The following TBCD variants were observed in gnomAD, a reference collection of about 807,000 sequenced individuals.
TBCD encodes tubulin-specific chaperone D.
A neutral mutation model predicts 169.3 loss-of-function variants in TBCD; 105 were observed. That is an observed-to-expected ratio of 0.62 (90% CI 0.53 to 0.73). The LOEUF (loss-of-function observed/expected upper bound fraction) is 0.73. TBCD is among the 30% of genes least tolerant of loss of function. TBCD has a pLI of 0.00. For synonymous variants in TBCD, 700 were observed against 643.9 expected (o/e 1.09, Z -1.32); for missense variants, 1,444 against 1,600.1 (o/e 0.90, Z 1.66).
In TBCD at chr17:82,796,777, G is replaced by A. The variant is rs539523982; in HGVS notation, c.772-980G>A. 2.6e-5 allele frequency among the ~76,000 whole-genome samples: 4 copies of A among 152,326 alleles called. No individual in the cohort carries two copies. In the South Asian group the frequency reaches 8.3e-4, roughly 32 times the overall value. The stretch of plus-strand genomic sequence containing the variant: ...TCTAAGTTCCCTCTCCTTTTAAGAA[G>A]ATGTTTCTATTCTACACTTAAGTAA... On this transcript the variant is annotated intron_variant, in intron 7 of 38. Transcript: ENST00000355528.
intron 13 of TBCD, among the ~76,000 whole-genome samples, chr17:82,836,650 C>T (rs2054000518): frequency 2.7e-5 from 4 of 150,300 alleles, no homozygotes; most frequent in Middle Eastern, 3.4e-3. Flanking sequence ...CTTCAGTTTT[C>T]GAAGCAGCAT....
intron 13 of TBCD, chr17:82,830,353 C>A (rs891645766): frequency 6.2e-7 from 1 of 1,613,612 alleles, no homozygotes; most frequent in Middle Eastern, 1.6e-4. Context: ...CGCAGCATCC[C>A]CATCGCCCAC....
chr17:82,860,431 A>G, intron 13 of TBCD: 2 of 985,456 alleles, frequency 2.0e-6, no homozygotes, highest in South Asian at 4.7e-5. Context: ...GGGGACAGAC[A>G]CAGGTGGAAG....
chr17:82,909,171 C>A (rs1053533618), intron 21 of TBCD, 114 bp from the exon 22 acceptor site: 1 of 875,862 alleles, frequency 1.1e-6, no homozygotes, highest in East Asian at 2.8e-5. Context: ...GCTCTCCTGG[C>A]TGGCATGGCA....
At chr17:82,773,962 C>T (rs964482027) in intron 6 of TBCD, among the ~76,000 whole-genome samples, 15 of 151,652 alleles carry the variant, frequency 9.9e-5, no homozygotes, top group Non-Finnish European at 1.5e-5. Flanking sequence ...ATCTCCTGAC[C>T]TCATGATCCG....
At chr17:82,805,103 G>A (rs923865544) in intron 9 of TBCD, among the ~76,000 whole-genome samples, 16 of 152,274 alleles carry the variant, frequency 1.1e-4, no homozygotes, top group African/African-American at 3.9e-4. Context: ...ACCCTTGGCA[G>A]GAGCAGCTGT....
chr17:82,846,374 T>C (rs542448661), intron 13 of TBCD, among the ~76,000 whole-genome samples: 2 of 150,214 alleles, frequency 1.3e-5, no homozygotes, highest in African/African-American at 4.9e-5. Context: ...CTGTGTCCCA[T>C]GTGCCGTGTC....
intron 23 of TBCD, chr17:82,913,055 G>A (rs1007905464): frequency 6.6e-6 from 1 of 152,352 alleles, no homozygotes; most frequent in Non-Finnish European, 1.5e-5. Flanking sequence ...CACGGTGCAG[G>A]GGTGTCACCT....
chr17:82,807,686 C>T lies in TBCD; in HGVS notation c.1148+18C>T. On this transcript the variant is annotated intron_variant, in intron 11 of 38. Coordinates refer to ENST00000355528, the MANE Select transcript of TBCD (RefSeq NM_005993.5). ...GCCAAGGGGTAGGTGTCTGTGGCCG[C>T]AGAAGCACCCCGGGGGGTGGGCCGG... 6.9e-7 allele frequency: 1 copy of T among 1,458,850 alleles called. No homozygotes were observed. The highest frequency in any genetic ancestry group is 9.1e-7 in the Non-Finnish European group (1 of 1,097,648). The allele number at this position is 1,458,850 out of a possible 1,614,324, so 90.4% of individuals were successfully genotyped here. A position where few individuals can be genotyped will look rare whatever the true frequency, so the allele number is the denominator to read the frequency against.
intron 12 of TBCD, among the ~76,000 whole-genome samples, chr17:82,812,393 G>A (rs1383348551): frequency 6.6e-6 from 1 of 152,118 alleles, no homozygotes; most frequent in East Asian, 1.9e-4. Flanking sequence ...GTTTCATCGA[G>A]GTTTTGGACT....
chr17:82,888,730 G>T (rs1402154570), intron 15 of TBCD, among the ~76,000 whole-genome samples: 3 of 152,178 alleles, frequency 2.0e-5, no homozygotes, highest in African/African-American at 4.8e-5. Context: ...GCTGTGTTCG[G>T]CTCCTTACTT....
chr17:82,921,625 G>T, intron 25 of TBCD, 48 bp downstream of exon 25: 1 of 1,570,426 alleles, frequency 6.4e-7, no homozygotes, highest in Non-Finnish European at 8.8e-7. Context: ...CGGTGTTAGT[G>T]TGTTAGTCAC....
chr17:82,938,780 G>A (rs2062850135), intron 36 of TBCD, among the ~76,000 whole-genome samples: 1 of 150,680 alleles, frequency 6.6e-6, no homozygotes, highest in African/African-American at 2.4e-5. Flanking sequence ...AAAGAGAGCA[G>A]GCGAGATTGC....
In TBCD at chr17:82,877,551, A is replaced by G. The variant is rs921506592; in HGVS notation, c.1476-6594A>G. ...GAGACAGGGTTTCACTGTGTTGGCC[A>G]GGCTGTTCTCGAACTCCTGATCTCG... is the stretch of plus-strand genomic sequence containing the variant. On this transcript the variant is annotated intron_variant, in intron 14 of 38. Coordinates refer to ENST00000355528, the MANE Select transcript of TBCD (RefSeq NM_005993.5). 2.0e-5 allele frequency among the ~76,000 whole-genome samples: 3 copies of G among 152,250 alleles called. No homozygotes were observed. In the East Asian group the frequency reaches 5.8e-4, roughly 29 times the overall value.
chr17:82,764,531 G>A (rs1367362737), intron 3 of TBCD, among the ~76,000 whole-genome samples: 2 of 152,182 alleles, frequency 1.3e-5, no homozygotes, highest in African/African-American at 4.8e-5. Flanking sequence ...TGTAATCCCA[G>A]CTGCTTGGGA....
At chr17:82,829,388 C>T (rs1362475973) in intron 13 of TBCD, 6 of 154,522 alleles carry the variant, frequency 3.9e-5, no homozygotes, top group African/African-American at 1.4e-4. Flanking sequence ...TTAATCGCTG[C>T]CACAGCTATC....
intron 3 of TBCD, 47 bp from the exon 4 acceptor site, chr17:82,766,220 T>C: frequency 6.6e-7 from 1 of 1,514,788 alleles, no homozygotes; most frequent in Non-Finnish European, 9.0e-7. Flanking sequence ...ATTTTGCTGC[T>C]CTCTGTATTT....
intron 13 of TBCD, among the ~76,000 whole-genome samples, chr17:82,858,299 G>C (rs2056484219): frequency 6.6e-6 from 1 of 152,142 alleles, no homozygotes; most frequent in South Asian, 2.1e-4. Flanking sequence ...ATCTAGTTAG[G>C]TTTGGTTATA....
At chr17:82,856,778 C>T (rs1231171665) in intron 13 of TBCD, among the ~76,000 whole-genome samples, 1 of 143,242 alleles carries the variant, frequency 7.0e-6, no homozygotes, top group Non-Finnish European at 1.5e-5. Context: ...GATCGCTGGA[C>T]CGCGTGCGGA....
Sources: allele counts gnomAD v4.1 joint callset (sites outside exome capture counted in the v4.1 genomes callset), GRCh38; gene constraint gnomAD v4.1.1; transcripts MANE v1.5; gene names NCBI Gene and HGNC (gene_info 2026-07-23, HGNC 2026-07-21).